Variants in PTPRC observed in about 807,000 individuals in gnomAD.
PTPRC encodes receptor-type tyrosine-protein phosphatase C.
In PTPRC, 44 loss-of-function variants were observed where a neutral mutation model predicts 155.9. The observed-to-expected ratio is 0.28, with a 90% CI of 0.22 to 0.36. The LOEUF (loss-of-function observed/expected upper bound fraction) is 0.36. PTPRC is among the 10% of genes least tolerant of loss of function. The pLI is 1.00. For synonymous variants in PTPRC, 525 were observed against 533.1 expected (o/e 0.98, Z 0.21); for missense variants, 1,401 against 1,564.6 (o/e 0.90, Z 1.76).
chr1:198,715,655 CAG>C (rs948545732), intron 12 of PTPRC, among the ~76,000 whole-genome samples: 16 of 150,314 alleles, frequency 1.1e-4, no homozygotes, highest in African/African-American at 3.9e-4. Context: ...AAAAAAAAAA[CAG>C]AACAAATTGC....
chr1:198,748,360 G>A (rs1472921315), intron 27 of PTPRC, among the ~76,000 whole-genome samples, 161 bp downstream of exon 27: 1 of 151,794 alleles, frequency 6.6e-6, no homozygotes, highest in Non-Finnish European at 1.5e-5. Flanking sequence ...ACTAGTTATT[G>A]CAAGAACTTA....
intron 3 of PTPRC, chr1:198,694,070 A>C (rs1666072191): frequency 6.5e-7 from 1 of 1,549,246 alleles, no homozygotes; most frequent in African/African-American, 1.4e-5. Flanking sequence ...CAAACCTCAA[A>C]AGTAGGGAAG....
Position 198,696,794 on chromosome 1 carries a change from C to G in PTPRC, c.183C>G (p.Ser61Arg). 1 of 1,614,016 alleles carries G rather than the reference C, an allele frequency of 6.2e-7. No homozygotes were observed. Among genetic ancestry groups the G allele is most frequent in the Non-Finnish European group, 8.5e-7 (1 of 1,179,874 alleles). ...PTHTTAFSPA[S>R]TFERENDFSE... ...ACACCACTGCATTCTCACCCGCAAGCACCTTTGAAAGAGAAAATGACTTCT... is the reference window on the plus strand; with the variant it reads ...ACACCACTGCATTCTCACCCGCAAGGACCTTTGAAAGAGAAAATGACTTCT... The change falls in exon 4 of 33, where the codon AGC becomes AGG. Residue 61 changes from serine to arginine, a missense_variant. By Grantham distance (110) the Ser-to-Arg change is moderately radical (BLOSUM62 -1). Coordinates refer to ENST00000442510, the MANE Select transcript of PTPRC (RefSeq NM_002838.5).
intron 2 of PTPRC, among the ~76,000 whole-genome samples, chr1:198,674,493 A>G (rs1051827151): frequency 6.7e-6 from 1 of 148,712 alleles, no homozygotes; most frequent in African/African-American, 2.4e-5. Context: ...TGACTGTACA[A>G]TAATAACATA....
At chr1:198,733,044 C>T (rs912184252) in intron 20 of PTPRC, among the ~76,000 whole-genome samples, 1 of 151,772 alleles carries the variant, frequency 6.6e-6, no homozygotes, top group Non-Finnish European at 1.5e-5. Context: ...TCCTCATCAA[C>T]ATGATCATCT....
intron 26 of PTPRC, among the ~76,000 whole-genome samples, chr1:198,745,203 T>C (rs1170144390): frequency 6.6e-6 from 1 of 151,844 alleles, no homozygotes; most frequent in Non-Finnish European, 1.5e-5. Flanking sequence ...ACTAAATAAA[T>C]GTGCTTGAGT....
chr1:198,699,608 T>A lies in PTPRC; in HGVS notation c.343T>A (p.Ser115Thr), dbSNP rs1384831062. Residue 115 changes from serine to threonine, a missense_variant, in exon 5 of 33, where the codon TCG (serine) becomes ACG (threonine). By Grantham distance (58) the Ser-to-Thr change is moderately conservative (BLOSUM62 1). Transcript: ENST00000442510. ...GCCTCACCTTCCCACGCACGCAGAC[T>A]CGCAGACGCCCTCTGCTGGAACTGA... ...QTPHLPTHAD[S>T]QTPSAGTDTQ... 5.0e-6 allele frequency: 8 copies of A among 1,614,080 alleles called. No individual in the cohort carries two copies. Among genetic ancestry groups the A allele is most frequent in the Non-Finnish European group, 6.8e-6 (8 of 1,180,046 alleles).
At position 198,688,778 on chromosome 1, in the gene PTPRC, T is replaced by C. The variant is rs559149853; in HGVS notation, c.74-3569T>C. On this transcript the variant is annotated intron_variant, in intron 2 of 32. Coordinates refer to ENST00000442510, the MANE Select transcript of PTPRC (RefSeq NM_002838.5). Reference sequence around the variant, plus strand: ...AACACCTTCTGTAAAAGAATTCTCATGCTTAAAATTTCATATGAAGAGGAA... The same window carrying C: ...AACACCTTCTGTAAAAGAATTCTCACGCTTAAAATTTCATATGAAGAGGAA... Among the ~76,000 whole-genome samples the C allele has an allele frequency of 8.9e-4, 135 of 152,292 alleles. 1 individual carries two copies. The highest frequency in any genetic ancestry group is 3.2e-3 in the African/African-American group (135 of 41,562).
At chr1:198,746,546 C>G (rs908470237) in intron 26 of PTPRC, among the ~76,000 whole-genome samples, 1 of 151,382 alleles carries the variant, frequency 6.6e-6, no homozygotes, top group African/African-American at 2.4e-5. Flanking sequence ...AGACGATGGG[C>G]ATCAGAGGGC....
chr1:198,650,756 G>A (rs956775828), intron 2 of PTPRC, among the ~76,000 whole-genome samples: 10 of 151,926 alleles, frequency 6.6e-5, no homozygotes, highest in Admixed American at 5.9e-4. Context: ...AACATGTAGA[G>A]AGTAGCAGAT....
chr1:198,744,012 AGAT>A (rs777846865), intron 25 of PTPRC, 39 bp from the exon 26 acceptor site: 2 of 1,549,324 alleles, frequency 1.3e-6, no homozygotes, highest in Admixed American at 1.7e-5. Flanking sequence ...GGAGGACTCT[AGAT>A]TATCAGTTAA....
At chr1:198,743,952 C>A in intron 25 of PTPRC, 102 bp from the exon 26 acceptor site, 1 of 1,175,724 alleles carries the variant, frequency 8.5e-7, no homozygotes, top group Non-Finnish European at 1.2e-6. Context: ...ATGAATTGTT[C>A]CAATATGAGC....
chr1:198,642,892 TTTTC>T (rs200269542), intron 2 of PTPRC, among the ~76,000 whole-genome samples: 18,345 of 118,390 alleles, frequency 0.15, 2,626 homozygotes, highest in Admixed American at 0.16. Context: ...ATCTTTTTTC[TTTTC>T]TTTCTTTCTT....
At position 198,699,560 on chromosome 1, in the gene PTPRC, T is replaced by G. The variant is rs987313869; in HGVS notation, c.299-4T>G. 1 of 1,614,192 alleles carries G rather than the reference T, an allele frequency of 6.2e-7. No homozygotes were observed. Among genetic ancestry groups the G allele is most frequent in the Non-Finnish European group, 8.5e-7 (1 of 1,180,018 alleles). On this transcript the variant is annotated splice_region_variant and splice_polypyrimidine_tract_variant and intron_variant, in intron 4 of 32. Coordinates refer to ENST00000442510, the MANE Select transcript of PTPRC (RefSeq NM_002838.5). Reference sequence around the variant, plus strand: ...GATGTAATGATCTCACTTTCCTACCTTAGGTGTTTCATCAGTACAGACGCC... The same window carrying G: ...GATGTAATGATCTCACTTTCCTACCGTAGGTGTTTCATCAGTACAGACGCC...
chr1:198,733,016 C>A (rs1376196022), intron 20 of PTPRC, among the ~76,000 whole-genome samples: 6 of 151,928 alleles, frequency 3.9e-5, no homozygotes, highest in African/African-American at 1.4e-4. Flanking sequence ...TTTCATCACA[C>A]TAAATTTCAG....
At chr1:198,753,996 A>G (rs965045614) in intron 31 of PTPRC, among the ~76,000 whole-genome samples, 2 of 152,244 alleles carry the variant, frequency 1.3e-5, no homozygotes, top group Admixed American at 1.3e-4. Context: ...ATAAAAATGC[A>G]TTAAAATCCA....
At chr1:198,705,431 TC>T (rs1438961268) in intron 8 of PTPRC, among the ~76,000 whole-genome samples, 1 of 150,282 alleles carries the variant, frequency 6.7e-6, no homozygotes, top group Non-Finnish European at 1.5e-5. Flanking sequence ...GTTCTTTCTT[TC>T]TTTTTTTTTT....
intron 2 of PTPRC, among the ~76,000 whole-genome samples, chr1:198,689,252 G>A (rs1665797883): frequency 6.6e-6 from 1 of 152,032 alleles, no homozygotes; most frequent in Admixed American, 6.6e-5. Flanking sequence ...GAACATATAC[G>A]TAGTCTGATG....
At chr1:198,687,642 C>T (rs12127625) in intron 2 of PTPRC, among the ~76,000 whole-genome samples, 16,161 of 151,900 alleles carry the variant, frequency 0.11, 942 homozygotes, top group African/African-American at 0.15. Context: ...TTAGATGTTA[C>T]GTAGGTGTTT....
Sources: gnomAD v4.1 joint callset for allele counts (sites outside exome capture counted in the v4.1 genomes callset) on GRCh38, gnomAD v4.1.1 for gene constraint, MANE v1.5 for transcripts, NCBI Gene and HGNC (gene_info 2026-07-23, HGNC 2026-07-21) for gene names.